SLC4A10: variants seen among roughly 807,000 people sequenced by gnomAD.
SLC4A10 encodes the protein sodium-driven chloride bicarbonate exchanger.
A neutral mutation model predicts 137.7 loss-of-function variants in SLC4A10; 42 were observed. That is an observed-to-expected ratio of 0.30 (90% CI 0.24 to 0.39). SLC4A10 has a LOEUF of 0.39. Among genes scored for constraint, SLC4A10 ranks in the 10% least tolerant of loss-of-function variants. The pLI is 1.00. For synonymous variants in SLC4A10, 474 were observed against 464.1 expected (o/e 1.02, Z -0.27); for missense variants, 925 against 1,355.0 (o/e 0.68, Z 4.98).
intron 21 of SLC4A10, among the ~76,000 whole-genome samples, chr2:161,959,082 T>C (rs1251215957): frequency 6.6e-6 from 1 of 152,090 alleles, no homozygotes; most frequent in Non-Finnish European, 1.5e-5. Context: ...TAATACAAAG[T>C]AAGAAACTAT....
intron 2 of SLC4A10, among the ~76,000 whole-genome samples, chr2:161,773,842 C>T (rs1021006324): frequency 6.6e-6 from 1 of 151,626 alleles, no homozygotes; most frequent in African/African-American, 2.4e-5. Flanking sequence ...TATGTCTTTT[C>T]CTCCTATTAA....
chr2:161,660,556 A>ATTTCTTT (rs2038155791), intron 1 of SLC4A10, among the ~76,000 whole-genome samples: 1 of 110,368 alleles, frequency 9.1e-6, no homozygotes, highest in South Asian at 3.4e-4. Flanking sequence ...ACTCATCTAT[A>ATTTCTTT]TTTCTTTCTT....
chr2:161,624,718 A>G (rs569879187), intron 1 of SLC4A10, among the ~76,000 whole-genome samples, 152 bp downstream of exon 1: 1 of 151,932 alleles, frequency 6.6e-6, no homozygotes, highest in African/African-American at 2.4e-5. Context: ...ATCTTGGGAG[A>G]CTGAAATGCA....
At chr2:161,898,301 G>A (rs2063728738) in intron 11 of SLC4A10, among the ~76,000 whole-genome samples, 1 of 152,086 alleles carries the variant, frequency 6.6e-6, no homozygotes, top group Non-Finnish European at 1.5e-5. Flanking sequence ...TACCTTAAAT[G>A]TAAATAGACA....
intron 15 of SLC4A10, among the ~76,000 whole-genome samples, chr2:161,934,861 A>T (rs1162296099): frequency 2.6e-5 from 4 of 151,808 alleles, no homozygotes; most frequent in African/African-American, 9.7e-5. Flanking sequence ...TATGGTTTGT[A>T]AATATTTTAT....
At chr2:161,877,616 GTAAA>G (rs1320550237) in intron 8 of SLC4A10, among the ~76,000 whole-genome samples, 2 of 151,728 alleles carry the variant, frequency 1.3e-5, no homozygotes, top group Non-Finnish European at 1.5e-5. Flanking sequence ...ACTTATTATA[GTAAA>G]TAAATACTTT....
chr2:161,842,748 G>A (rs1457207445), intron 4 of SLC4A10, among the ~76,000 whole-genome samples: 1 of 152,102 alleles, frequency 6.6e-6, no homozygotes. Context: ...CTACGTAGTA[G>A]TTTTAAAAAT....
At chr2:161,710,298 G>A (rs1013297505) in intron 1 of SLC4A10, among the ~76,000 whole-genome samples, 2 of 151,678 alleles carry the variant, frequency 1.3e-5, no homozygotes, top group Admixed American at 1.3e-4. Context: ...TAGTCATTAT[G>A]AGTACATTCT....
intron 1 of SLC4A10, among the ~76,000 whole-genome samples, chr2:161,731,595 A>T (rs915161888): frequency 1.3e-5 from 2 of 152,182 alleles, no homozygotes; most frequent in African/African-American, 4.8e-5. Context: ...ATAGATGCTT[A>T]CAGCTTTAAT....
At chr2:161,853,482 C>T (rs1036407694) in intron 4 of SLC4A10, among the ~76,000 whole-genome samples, 2 of 152,168 alleles carry the variant, frequency 1.3e-5, no homozygotes, top group African/African-American at 4.8e-5. Context: ...TAATCACAGA[C>T]ACATGGACTC....
chr2:161,924,620 A>C (rs1322651433), intron 15 of SLC4A10, among the ~76,000 whole-genome samples: 1 of 152,190 alleles, frequency 6.6e-6, no homozygotes, highest in East Asian at 1.9e-4. Context: ...TAGGTGAGTA[A>C]TGTCATAACC....
chr2:161,830,177 AT>A (rs1331383173), intron 3 of SLC4A10, among the ~76,000 whole-genome samples: 9 of 151,034 alleles, frequency 6.0e-5, no homozygotes, highest in Non-Finnish European at 1.3e-4. Flanking sequence ...AAAAAAAAAA[AT>A]AACAACAACC....
At chr2:161,839,301 C>T (rs964148128) in intron 3 of SLC4A10, among the ~76,000 whole-genome samples, 19 of 152,048 alleles carry the variant, frequency 1.2e-4, no homozygotes, top group Non-Finnish European at 2.6e-4. Flanking sequence ...TTGCTGGGGG[C>T]TACAAAAGGG....
rs143518761 is a variant in SLC4A10 at position 161,706,074 on chromosome 2, C to CA, written c.49-64897dup. 4.7e-3 allele frequency among the ~76,000 whole-genome samples: 709 copies of CA among 151,466 alleles called. 41 individuals are homozygous for CA. The East Asian group carries it at 0.12, about 26-fold the overall frequency. ...TGTGTTAAATTACTATTAAGAGGGT[C>CA]AAGTAATAGATGTTAAGTAATTTTT... On this transcript the variant is annotated intron_variant, in intron 1 of 26. Transcript: ENST00000446997.
At chr2:161,759,752 C>CT (rs2050045577) in intron 1 of SLC4A10, among the ~76,000 whole-genome samples, 1 of 151,860 alleles carries the variant, frequency 6.6e-6, no homozygotes, top group Non-Finnish European at 1.5e-5. Flanking sequence ...TTTTTGGATA[C>CT]TAACCCCTTA....
chr2:161,668,698 A>T (rs146213217), intron 1 of SLC4A10, among the ~76,000 whole-genome samples: 1,657 of 151,994 alleles, frequency 0.011, 11 homozygotes, highest in Non-Finnish European at 0.017. Flanking sequence ...AATATATTTA[A>T]GTTATAATAT....
rs374589984 is a variant in SLC4A10, at chr2:161,700,592, T to C, written c.49-70381T>C. ...TGAACTTATATTTGCTAAACTATGT[T>C]GATTGCCTTATGTATACTGTCTTCT... is the stretch of plus-strand genomic sequence containing the variant. On this transcript the variant is annotated intron_variant, in intron 1 of 26. Coordinates refer to ENST00000446997, the MANE Select transcript of SLC4A10 (RefSeq NM_001178015.2). Among the ~76,000 whole-genome samples, 49 of 152,308 alleles carry C rather than the reference T, an allele frequency of 3.2e-4. No individual in the cohort carries two copies. In the South Asian group the frequency reaches 5.4e-3, roughly 17 times the overall value.
chr2:161,801,995 A>G (rs552074267), intron 2 of SLC4A10, among the ~76,000 whole-genome samples: 1 of 152,104 alleles, frequency 6.6e-6, no homozygotes, highest in African/African-American at 2.4e-5. Flanking sequence ...AATAATAAAT[A>G]GGACCAGACA....
chr2:161,673,985 A>G (rs1004365643), intron 1 of SLC4A10, among the ~76,000 whole-genome samples: 1 of 147,632 alleles, frequency 6.8e-6, no homozygotes, highest in African/African-American at 2.5e-5. Context: ...GCAAGACTCC[A>G]TCTCAAAACA....
Sources: gnomAD v4.1 joint callset for allele counts (sites outside exome capture counted in the v4.1 genomes callset) on GRCh38, gnomAD v4.1.1 for gene constraint, MANE v1.5 for transcripts, NCBI Gene and HGNC (gene_info 2026-07-23, HGNC 2026-07-21) for gene names.